CREB3L4: variants seen among roughly 807,000 people sequenced by gnomAD.
CREB3L4 encodes the protein cyclic AMP-responsive element-binding protein 3-like protein 4.
Under a neutral mutation model 37.0 loss-of-function variants are expected in CREB3L4, and 28 were observed. The observed-to-expected ratio is 0.76, with a 90% CI of 0.56 to 1.04. The LOEUF (loss-of-function observed/expected upper bound fraction) is 1.04, where lower values mean the gene tolerates loss of function less well. CREB3L4 is among the 50% of genes least tolerant of loss of function. The pLI, the probability that CREB3L4 is intolerant of heterozygous loss-of-function variation, is 0.00. For synonymous variants in CREB3L4, 175 were observed against 192.2 expected (o/e 0.91, Z 0.74); for missense variants, 462 against 486.0 (o/e 0.95, Z 0.46).
chr1:153,973,287 A>G, intron 7 of CREB3L4, 24 bp downstream of exon 7: 1 of 1,613,110 alleles, frequency 6.2e-7, no homozygotes, highest in African/African-American at 1.3e-5. Context: ...TTGTGTGTGT[A>G]TGTGTGTTTT....
Position 153,973,010 on chromosome 1 carries a change from C to T in CREB3L4, c.675C>T (p.Ile225=), listed in dbSNP as rs751065604. Residue 225 remains isoleucine, a synonymous_variant, in exon 6 of 10, where the codon ATC becomes ATT. Transcript: ENST00000368607. ...TCCTCAAGAAGGTCAGGAGGAAAAT[C>T]CGTAACAAGCAGTCAGCTCAGGACA... is the stretch of plus-strand genomic sequence containing the variant. ...ERVLKKVRRK[I]RNKQSAQDSR... The T allele has an allele frequency of 1.3e-5, 21 of 1,614,160 alleles. No individual in the cohort carries two copies. Among genetic ancestry groups the T allele is most frequent in the Non-Finnish European group, 1.6e-5 (19 of 1,180,038 alleles).
At position 153,969,444 on chromosome 1, in the gene CREB3L4, T is replaced by G; in HGVS notation, c.532T>G (p.Cys178Gly). The G allele has an allele frequency of 6.2e-7, 1 of 1,614,112 alleles. No homozygotes were observed. The highest frequency in any genetic ancestry group is 8.5e-7 in the Non-Finnish European group (1 of 1,180,006). Residue 178 changes from cysteine to glycine, a missense_variant, in exon 4 of 10, where the codon TGT (cysteine) becomes GGT (glycine). Transcript: ENST00000368607. ...AGCAGGCACCGTAGCCCCAGTGCCC[T>G]GTACAACCCTGGTGAGTCTTGGTGT... ...PRAGTVAPVPCTTLLPCQTLF... is the reference protein window; with the variant it reads ...PRAGTVAPVPGTTLLPCQTLF...
intron 4 of CREB3L4, among the ~76,000 whole-genome samples, chr1:153,970,781 T>C (rs1348959020): frequency 7.1e-6 from 1 of 141,590 alleles, no homozygotes. Flanking sequence ...AGTCTCGCTC[T>C]GTCACCAGAC....
chr1:153,972,593 A>C (rs1648482066), intron 4 of CREB3L4, 151 bp from the exon 5 acceptor site: 2 of 624,522 alleles, frequency 3.2e-6, no homozygotes, highest in South Asian at 1.9e-5. Flanking sequence ...TCTGAATTAA[A>C]GTCTCTGCCC....
In CREB3L4 at chr1:153,969,921, G is replaced by A. The variant is rs149305991; in HGVS notation, c.543+466G>A. On this transcript the variant is annotated intron_variant, in intron 4 of 9. Transcript: ENST00000368607. The stretch of plus-strand genomic sequence containing the variant: ...ATGAGCCACTGTGCCCGACTAACAT[G>A]AACAATTTTTTTTTTTTTTTTTTTT... Among the ~76,000 whole-genome samples, 317 of 139,850 alleles carry A rather than the reference G, an allele frequency of 2.3e-3. 2 individuals carry two copies. The highest frequency in any genetic ancestry group is 8.1e-3 in the African/African-American group (306 of 37,700). The allele number at this position is 139,850 out of a possible 152,430, so 91.7% of individuals were successfully genotyped here. A position where few individuals can be genotyped will look rare whatever the true frequency, so the allele number is the denominator to read the frequency against.
intron 9 of CREB3L4, 33 bp from the exon 10 acceptor site, chr1:153,973,839 C>A: frequency 6.2e-7 from 1 of 1,607,446 alleles, no homozygotes; most frequent in Non-Finnish European, 8.5e-7. Context: ...CAGGGGAGCA[C>A]TCTACTACTG....
rs1216997632 is a variant in CREB3L4 at position 153,972,736 on chromosome 1, A to G, written c.544-8A>G. 34 of 1,611,648 alleles carry G rather than the reference A, an allele frequency of 2.1e-5. No individual in the cohort carries two copies. The highest frequency in any genetic ancestry group is 2.8e-5 in the Non-Finnish European group (33 of 1,178,954). On this transcript the variant is annotated splice_region_variant and splice_polypyrimidine_tract_variant and intron_variant, in intron 4 of 9. Transcript: ENST00000368607. ...TCCTATTGCATCTTCTCCTGCCCCT[A>G]CCCCCAGCTGCCCTGTCAAACCCTG...
At chr1:153,971,594 T>C (rs1235517678) in intron 4 of CREB3L4, among the ~76,000 whole-genome samples, 3 of 148,954 alleles carry the variant, frequency 2.0e-5, no homozygotes, top group African/African-American at 4.9e-5. Flanking sequence ...TTTCTTTTTT[T>C]TTTTTTTTTT....
rs757745671 is a variant in CREB3L4 at position 153,973,888 on chromosome 1, C to A, written c.1011C>A (p.Ile337=). ...YQPHGVTSRN[I]LTHKDVTENL... ...ACCTCACAGTGACTTCCAGAAATAT[C>A]CTGACCCACAAGGACGTAACAGAAA... is the stretch of plus-strand genomic sequence containing the variant. The change falls in exon 10 of 10, where the codon ATC becomes ATA. Residue 337 remains isoleucine, a synonymous_variant. Coordinates refer to ENST00000368607, the MANE Select transcript of CREB3L4 (RefSeq NM_001255978.2). 2 of 1,614,126 alleles carry A rather than the reference C, an allele frequency of 1.2e-6. No homozygotes were observed. The highest frequency in any genetic ancestry group is 1.7e-6 in the Non-Finnish European group (2 of 1,179,986).
chr1:153,973,289 G>T (rs370462232), intron 7 of CREB3L4, 26 bp downstream of exon 7: 77 of 1,613,240 alleles, frequency 4.8e-5, no homozygotes, highest in Admixed American at 1.5e-4. Context: ...GTGTGTGTAT[G>T]TGTGTTTTGA....
At position 153,969,446 on chromosome 1, in the gene CREB3L4, T is replaced by C; in HGVS notation, c.534T>C (p.Cys178=). The C allele has an allele frequency of 6.2e-7, 1 of 1,614,046 alleles. No homozygotes were observed. Among genetic ancestry groups the C allele is most frequent in the East Asian group, 2.2e-5 (1 of 44,870 alleles). ...CAGGCACCGTAGCCCCAGTGCCCTG[T>C]ACAACCCTGGTGAGTCTTGGTGTCA... ...PRAGTVAPVP[C]TTLLPCQTLF... Residue 178 remains cysteine, a synonymous_variant, in exon 4 of 10, where the codon TGT becomes TGC. Coordinates refer to ENST00000368607, the MANE Select transcript of CREB3L4 (RefSeq NM_001255978.2).
Position 153,974,045 on chromosome 1 carries a change from C to G in CREB3L4, c.1168C>G (p.Leu390Val), listed in dbSNP as rs1648682411. The change falls in exon 10 of 10, where the codon CTG becomes GTG. Residue 390 changes from leucine (L) to valine (V), a missense_variant. Physicochemically the swap from Leu to Val is conservative, Grantham distance 32. Coordinates refer to ENST00000368607, the MANE Select transcript of CREB3L4 (RefSeq NM_001255978.2). ...PRPSGRIRSV[L>V]HADEM ...ACCCAGTGGGCGCATCCGGTCCGTG[C>G]TGCATGCAGATGAGATGTGAGCTGG... 2 of 1,613,790 alleles carry G rather than the reference C, an allele frequency of 1.2e-6. No individual in the cohort carries two copies. The highest frequency in any genetic ancestry group is 2.7e-5 in the African/African-American group (2 of 75,030).
intron 4 of CREB3L4, among the ~76,000 whole-genome samples, chr1:153,971,587 C>T (rs6666912): frequency 0.24 from 25,410 of 107,188 alleles, 3,369 homozygotes; most frequent in Admixed American, 0.3. Flanking sequence ...TTTTCTTTTT[C>T]TTTTTTTTTT....
At chr1:153,969,802 G>T (rs1481523792) in intron 4 of CREB3L4, 10 of 259,230 alleles carry the variant, frequency 3.9e-5, no homozygotes, top group Non-Finnish European at 6.8e-5. Flanking sequence ...GGGTTTTGGG[G>T]TTTTGCCATG....
chr1:153,968,588 G>A lies in CREB3L4; in HGVS notation c.63G>A (p.Ser21=), dbSNP rs768461371. 3 of 1,614,048 alleles carry A rather than the reference G, an allele frequency of 1.9e-6. No homozygotes were observed. The highest frequency in any genetic ancestry group is 2.5e-6 in the Non-Finnish European group (3 of 1,180,016). ...TGGAGCCCCCAGAGGATATCTTCTC[G>A]ACAGGATCCGTCCTGGAGCTGGGAC... ...AWLEPPEDIF[S]TGSVLELGLH... is the part of the protein sequence containing the mutation. The change falls in exon 2 of 10, where the codon TCG becomes TCA. Residue 21 remains serine (S), a synonymous_variant. Coordinates refer to ENST00000368607, the MANE Select transcript of CREB3L4 (RefSeq NM_001255978.2).
chr1:153,973,639 C>T lies in CREB3L4; in HGVS notation c.917C>T (p.Ala306Val). 6.2e-7 allele frequency: 1 copy of T among 1,611,984 alleles called. No individual in the cohort carries two copies. The highest frequency in any genetic ancestry group is 1.1e-5 in the South Asian group (1 of 90,584). ...TCCCAGATTCTTCTTTTTTCCCTGG[C>T]TCTCATCATCCTGCCCAGCTTCAGT... ...TCVLILLFSLALIILPSFSPF... is the reference protein window; with the variant it reads ...TCVLILLFSLVLIILPSFSPF... Residue 306 changes from alanine (A) to valine (V), a missense_variant, in exon 9 of 10, where the codon GCT (alanine) becomes GTT (valine). By Grantham distance (64) the Ala-to-Val change is moderately conservative. Transcript: ENST00000368607.
At position 153,967,916 on chromosome 1, in the gene CREB3L4, C is replaced by G. The variant is rs916979521; in HGVS notation, c.-253C>G. On this transcript the variant is annotated 5_prime_UTR_variant, in exon 1 of 10. Coordinates refer to ENST00000368607, the MANE Select transcript of CREB3L4 (RefSeq NM_001255978.2). ...TGACTCTTTCCGCCTTTGTTTACAA[C>G]CCTGCCATGATCTCCCTCTTGCAAA... 2 of 152,292 alleles carry G rather than the reference C, an allele frequency of 1.3e-5. No individual in the cohort carries two copies. The highest frequency in any genetic ancestry group is 4.8e-5 in the African/African-American group (2 of 41,454). The allele number at this position is 152,292 out of a possible 1,614,324, so 9.4% of individuals were successfully genotyped here. A position where few individuals can be genotyped will look rare whatever the true frequency, so the allele number is the denominator to read the frequency against.
Position 153,968,625 on chromosome 1 carries a change from C to G in CREB3L4, c.100C>G (p.Pro34Ala), listed in dbSNP as rs1441727950. 3 of 1,614,056 alleles carry G rather than the reference C, an allele frequency of 1.9e-6. No homozygotes were observed. Among genetic ancestry groups the G allele is most frequent in the Non-Finnish European group, 2.5e-6 (3 of 1,179,994 alleles). The change falls in exon 2 of 10, where the codon CCT becomes GCT. Residue 34 changes from proline (P) to alanine (A), a missense_variant. Pro to Ala is a conservative substitution (Grantham distance 27). Coordinates refer to ENST00000368607, the MANE Select transcript of CREB3L4 (RefSeq NM_001255978.2). ...CCTGGAGCTGGGACTCCACTGCCCC[C>G]CTCCAGAGGTTCCGGTAACTAGGCT... The part of the protein sequence containing the change: ...SVLELGLHCP[P>A]PEVPVTRLQE...
chr1:153,971,844 T>TG (rs1648408438), intron 4 of CREB3L4, among the ~76,000 whole-genome samples: 1 of 152,060 alleles, frequency 6.6e-6, no homozygotes, highest in Admixed American at 6.6e-5. Flanking sequence ...TTCTTTGAGA[T>TG]GGAGTTTCGC....
Sources: allele counts gnomAD v4.1 joint callset (sites outside exome capture counted in the v4.1 genomes callset), GRCh38; gene constraint gnomAD v4.1.1; transcripts MANE v1.5; gene names NCBI Gene and HGNC (gene_info 2026-07-23, HGNC 2026-07-21).